The following MAST2 variants were observed in gnomAD, a reference collection of about 807,000 sequenced individuals.
MAST2 encodes microtubule-associated serine/threonine-protein kinase 2.
In MAST2, 70 loss-of-function variants were observed where a neutral mutation model predicts 147.4. The observed-to-expected ratio is 0.47, with a 90% CI of 0.39 to 0.58. MAST2 has a LOEUF of 0.58. Ranked by LOEUF, MAST2 falls within the 20% of genes least tolerant of loss-of-function variation. The probability of loss-of-function intolerance (pLI) is 0.00; values close to 1 mark genes in which losing one functional copy is unlikely to be tolerated. For synonymous variants in MAST2, 869 were observed against 896.8 expected (o/e 0.97, Z 0.55); for missense variants, 2,080 against 2,302.3 (o/e 0.90, Z 1.98).
chr1:45,819,065 C>T (rs999343657), intron 1 of MAST2, among the ~76,000 whole-genome samples: 11 of 151,992 alleles, frequency 7.2e-5, no homozygotes, highest in Admixed American at 4.6e-4. Flanking sequence ...ACCAGCCTGA[C>T]CAACATGGTG....
At chr1:46,016,148 G>A (rs1165060605) in intron 10 of MAST2, among the ~76,000 whole-genome samples, 14 of 148,566 alleles carry the variant, frequency 9.4e-5, no homozygotes, top group African/African-American at 3.5e-4. Context: ...AAAACTCTCA[G>A]TAAATTAGGT....
chr1:45,922,638 T>C (rs779929886), intron 4 of MAST2, among the ~76,000 whole-genome samples: 1 of 152,128 alleles, frequency 6.6e-6, no homozygotes, highest in Non-Finnish European at 1.5e-5. Context: ...GAGCGGACGA[T>C]TCTGAGCCTG....
At chr1:45,981,220 C>T (rs1644395626) in intron 5 of MAST2, among the ~76,000 whole-genome samples, 1 of 152,062 alleles carries the variant, frequency 6.6e-6, no homozygotes, top group Non-Finnish European at 1.5e-5. Flanking sequence ...TACAGGTGTG[C>T]ATCACCACAC....
At chr1:45,918,738 A>G (rs1189598934) in intron 4 of MAST2, among the ~76,000 whole-genome samples, 2 of 151,746 alleles carry the variant, frequency 1.3e-5, no homozygotes, top group Non-Finnish European at 2.9e-5. Flanking sequence ...ACTACTGGCC[A>G]GGACTTTTGT....
chr1:45,959,631 C>A (rs1039494298), intron 5 of MAST2, among the ~76,000 whole-genome samples, 154 bp downstream of exon 5: 3 of 152,206 alleles, frequency 2.0e-5, no homozygotes, highest in Non-Finnish European at 4.4e-5. Flanking sequence ...GCTTTCTGTA[C>A]GAGAATGAGT....
intron 4 of MAST2, among the ~76,000 whole-genome samples, chr1:45,954,418 G>C (rs1330184063): frequency 6.6e-6 from 1 of 152,152 alleles, no homozygotes; most frequent in Non-Finnish European, 1.5e-5. Flanking sequence ...TCTTGCTGTT[G>C]ACTGAGATGA....
intron 4 of MAST2, among the ~76,000 whole-genome samples, chr1:45,887,025 A>G (rs770806016): frequency 2.0e-5 from 3 of 152,114 alleles, no homozygotes; most frequent in Non-Finnish European, 2.9e-5. Context: ...ATGGGGTTTC[A>G]CTATGTTACT....
chr1:45,852,767 G>C (rs963896279), intron 3 of MAST2, among the ~76,000 whole-genome samples: 2 of 151,868 alleles, frequency 1.3e-5, no homozygotes, highest in East Asian at 1.9e-4. Context: ...CTAAATTGTT[G>C]CATGTATCCA....
At chr1:45,822,420 C>G (rs182242251) in intron 1 of MAST2, among the ~76,000 whole-genome samples, 1 of 152,180 alleles carries the variant, frequency 6.6e-6, no homozygotes, top group Admixed American at 6.5e-5. Context: ...TCCTCTCTTT[C>G]TTTTCTCCTC....
intron 5 of MAST2, among the ~76,000 whole-genome samples, chr1:45,968,483 T>C (rs900684279): frequency 2.7e-5 from 1 of 36,968 alleles, no homozygotes; most frequent in Non-Finnish European, 5.0e-5. Context: ...TTTTTTGTTG[T>C]TTTTTTTTTT....
At chr1:46,012,021 C>T (rs937627459) in intron 10 of MAST2, among the ~76,000 whole-genome samples, 6 of 152,176 alleles carry the variant, frequency 3.9e-5, no homozygotes, top group African/African-American at 1.4e-4. Flanking sequence ...GTAGTTCCTT[C>T]TACAAAAATA....
chr1:45,811,267 A>G (rs1644287391), intron 1 of MAST2, among the ~76,000 whole-genome samples: 1 of 150,624 alleles, frequency 6.6e-6, no homozygotes, highest in South Asian at 2.1e-4. Flanking sequence ...GTGGGGTTCA[A>G]GCAATTCTCC....
intron 5 of MAST2, among the ~76,000 whole-genome samples, chr1:45,995,697 G>A (rs7556615): frequency 0.45 from 68,549 of 151,992 alleles, 15,651 homozygotes; most frequent in East Asian, 0.63. Context: ...CATGACAGGC[G>A]TGAGCCACTG....
intron 3 of MAST2, among the ~76,000 whole-genome samples, chr1:45,838,265 G>A (rs1165021727): frequency 2.2e-5 from 3 of 135,376 alleles, no homozygotes; most frequent in Non-Finnish European, 4.6e-5. Context: ...TGTTGCCCAC[G>A]CTGGAGCGCA....
chr1:45,913,422 C>G (rs1437430937), intron 4 of MAST2, among the ~76,000 whole-genome samples: 1 of 152,218 alleles, frequency 6.6e-6, no homozygotes, highest in Non-Finnish European at 1.5e-5. Flanking sequence ...TGTATAATTT[C>G]TGCCAGAGTT....
At chr1:46,032,920 C>T (rs527999243) in intron 26 of MAST2, among the ~76,000 whole-genome samples, 1 of 149,124 alleles carries the variant, frequency 6.7e-6, no homozygotes, top group Non-Finnish European at 1.5e-5. Context: ...CACTTGAGAC[C>T]AGAAGTTTGA....
At chr1:45,847,392 CTTTG>C (rs1055002294) in intron 3 of MAST2, 3 of 527,148 alleles carry the variant, frequency 5.7e-6, no homozygotes, top group Non-Finnish European at 1.1e-5. Flanking sequence ...TCACAAGCAT[CTTTG>C]TTTGAATATC....
In MAST2 at chr1:45,939,992, T is replaced by TG. The variant is rs1470991333; in HGVS notation, c.501-19394_501-19393insG. ...CTATTTATTTAGGGTTTTTTTTTTTTTTTTTTTTTGAGATGGAGTTTCGCT... is the reference window on the plus strand; with the variant it reads ...CTATTTATTTAGGGTTTTTTTTTTTTGTTTTTTTTTGAGATGGAGTTTCGCT... On this transcript the variant is annotated intron_variant, in intron 4 of 28. Coordinates refer to ENST00000361297, the MANE Select transcript of MAST2 (RefSeq NM_015112.3). 8.6e-5 allele frequency among the ~76,000 whole-genome samples: 12 copies of TG among 138,764 alleles called. No homozygotes were observed. In the East Asian group the frequency reaches 1.5e-3, roughly 18 times the overall value. 91.0% of individuals were successfully genotyped at this position (138,764 alleles called of 152,430 possible). A position where few individuals can be genotyped will look rare whatever the true frequency, so the allele number is the denominator to read the frequency against.
chr1:45,937,838 A>G (rs1387596021), intron 4 of MAST2, among the ~76,000 whole-genome samples: 1 of 151,388 alleles, frequency 6.6e-6, no homozygotes, highest in East Asian at 1.9e-4. Flanking sequence ...ACTAAATTTA[A>G]TTGCCTATTG....
Sources: allele counts gnomAD v4.1 joint callset (sites outside exome capture counted in the v4.1 genomes callset), GRCh38; gene constraint gnomAD v4.1.1; transcripts MANE v1.5; gene names NCBI Gene and HGNC (gene_info 2026-07-23, HGNC 2026-07-21).